Variants in EPHA6 observed in about 807,000 individuals in gnomAD.
EPHA6 encodes EPH receptor A6, also known as ephrin type-A receptor 6.
In EPHA6, 50 loss-of-function variants were observed where a neutral mutation model predicts 112.0. That is an observed-to-expected ratio of 0.45 (90% CI 0.36 to 0.56). The LOEUF (loss-of-function observed/expected upper bound fraction) is 0.56, where lower values mean the gene tolerates loss of function less well. Ranked by LOEUF, EPHA6 falls within the 20% of genes least tolerant of loss-of-function variation. The probability of loss-of-function intolerance (pLI) is 0.00; values close to 1 mark genes in which losing one functional copy is unlikely to be tolerated. For synonymous variants in EPHA6, 529 were observed against 490.7 expected, an observed-to-expected ratio of 1.08 and a Z score of -1.03; for missense variants, 1,280 against 1,417.4, an observed-to-expected ratio of 0.90 and a Z score of 1.56.
At chr3:97,084,898 A>G (rs2046845730) in intron 3 of EPHA6, among the ~76,000 whole-genome samples, 1 of 152,170 alleles carries the variant, frequency 6.6e-6, no homozygotes, top group Non-Finnish European at 1.5e-5. Context: ...TAGTTATCTA[A>G]ACATTCCAAA....
intron 3 of EPHA6, among the ~76,000 whole-genome samples, chr3:97,033,801 G>T (rs2044973408): frequency 6.6e-6 from 1 of 151,874 alleles, no homozygotes; most frequent in Non-Finnish European, 1.5e-5. Context: ...AAGCTGTATA[G>T]TTCAAGACTA....
At chr3:97,341,604 C>T (rs772322190) in intron 5 of EPHA6, among the ~76,000 whole-genome samples, 2 of 152,038 alleles carry the variant, frequency 1.3e-5, no homozygotes, top group African/African-American at 2.4e-5. Context: ...CCACCTGCCT[C>T]GGGCTCCCAA....
intron 17 of EPHA6, among the ~76,000 whole-genome samples, chr3:97,748,257 G>A (rs577289070): frequency 3.9e-5 from 6 of 151,926 alleles, no homozygotes; most frequent in African/African-American, 9.6e-5. Context: ...TAGCATTTAC[G>A]CCTATGAAAT....
At chr3:96,947,395 A>G (rs1334990973) in intron 2 of EPHA6, among the ~76,000 whole-genome samples, 4 of 152,180 alleles carry the variant, frequency 2.6e-5, no homozygotes, top group Non-Finnish European at 4.4e-5. Flanking sequence ...AGCTTTCTAC[A>G]TATGGCTAGC....
At chr3:96,884,673 G>GAAACA (rs2107521568) in intron 2 of EPHA6, among the ~76,000 whole-genome samples, 1 of 152,200 alleles carries the variant, frequency 6.6e-6, no homozygotes, top group South Asian at 2.1e-4. Flanking sequence ...AGCAAACAGT[G>GAAACA]ACAGTTTCAC....
chr3:97,396,797 A>G (rs1324881562), intron 5 of EPHA6, among the ~76,000 whole-genome samples: 1 of 151,782 alleles, frequency 6.6e-6, no homozygotes, highest in Non-Finnish European at 1.5e-5. Context: ...TAAAATAAGT[A>G]TTTAATAAAA....
intron 5 of EPHA6, among the ~76,000 whole-genome samples, chr3:97,316,615 A>C (rs57119176): frequency 0.014 from 2,117 of 152,018 alleles, 66 homozygotes; most frequent in African/African-American, 0.048. Flanking sequence ...ATGACCTAGC[A>C]AATTTATGTC....
At chr3:97,377,674 T>C (rs1223392609) in intron 5 of EPHA6, among the ~76,000 whole-genome samples, 1 of 152,112 alleles carries the variant, frequency 6.6e-6, no homozygotes, top group Non-Finnish European at 1.5e-5. Context: ...CAGATGGAGA[T>C]GAGGAACTTG....
chr3:96,846,871 A>G (rs2035104166), intron 1 of EPHA6, among the ~76,000 whole-genome samples: 1 of 152,056 alleles, frequency 6.6e-6, no homozygotes, highest in Non-Finnish European at 1.5e-5. Context: ...AATCTTGGTA[A>G]CTTTTCTTAG....
chr3:97,700,552 C>T (rs754442830), intron 14 of EPHA6, among the ~76,000 whole-genome samples: 105 of 152,080 alleles, frequency 6.9e-4, no homozygotes, highest in Non-Finnish European at 9.6e-4. Context: ...CCCATTATTC[C>T]GTAATATTTG....
chr3:97,155,025 G>A (rs899772108), intron 3 of EPHA6, among the ~76,000 whole-genome samples: 15 of 152,028 alleles, frequency 9.9e-5, no homozygotes, highest in Admixed American at 9.8e-4. Flanking sequence ...ACATTTTCTA[G>A]GGAATTCCAA....
At chr3:97,025,863 C>T (rs991001203) in intron 3 of EPHA6, among the ~76,000 whole-genome samples, 1 of 152,132 alleles carries the variant, frequency 6.6e-6, no homozygotes, top group African/African-American at 2.4e-5. Context: ...GCTGGGATTT[C>T]AGGTCTGAGC....
chr3:96,976,853 T>G (rs2042545674), intron 2 of EPHA6, among the ~76,000 whole-genome samples: 1 of 152,186 alleles, frequency 6.6e-6, no homozygotes, highest in South Asian at 2.1e-4. Flanking sequence ...TTTTAGGAGC[T>G]TCACAGATTC....
chr3:97,625,538 C>A (rs2093848826), intron 13 of EPHA6, among the ~76,000 whole-genome samples: 1 of 151,524 alleles, frequency 6.6e-6, no homozygotes, highest in Non-Finnish European at 1.5e-5. Flanking sequence ...TCTGTTAGAT[C>A]TAGTTGGTTT....
intron 3 of EPHA6, among the ~76,000 whole-genome samples, chr3:97,152,498 G>C (rs1283807304): frequency 1.3e-5 from 2 of 150,952 alleles, no homozygotes. Flanking sequence ...AAATATTACA[G>C]AACTAACACT....
At chr3:97,679,980 C>T (rs965936821) in intron 14 of EPHA6, among the ~76,000 whole-genome samples, 12 of 152,176 alleles carry the variant, frequency 7.9e-5, no homozygotes, top group Non-Finnish European at 1.2e-4. Flanking sequence ...TGCTGCTACA[C>T]GGTGTTCTGT....
chr3:97,496,496 G>T (rs1355251236), intron 10 of EPHA6, among the ~76,000 whole-genome samples: 1 of 152,166 alleles, frequency 6.6e-6, no homozygotes, highest in Non-Finnish European at 1.5e-5. Flanking sequence ...TGAAGCCAGA[G>T]TAATCTTATG....
chr3:97,638,977 A>G (rs1040986261), intron 14 of EPHA6, among the ~76,000 whole-genome samples: 1 of 152,046 alleles, frequency 6.6e-6, no homozygotes, highest in African/African-American at 2.4e-5. Flanking sequence ...TTCATGCTCT[A>G]TGAGTTTTTT....
chr3:97,007,446 T>G (rs1447143036), intron 3 of EPHA6, among the ~76,000 whole-genome samples: 4 of 152,088 alleles, frequency 2.6e-5, no homozygotes, highest in Non-Finnish European at 4.4e-5. Context: ...TTTTTTTCTT[T>G]CCATTTGCTT....
Sources: allele counts gnomAD v4.1 joint callset (sites outside exome capture counted in the v4.1 genomes callset), GRCh38; gene constraint gnomAD v4.1.1; transcripts MANE v1.5; gene names NCBI Gene and HGNC (gene_info 2026-07-23, HGNC 2026-07-21).